THSD7B: variants seen among roughly 807,000 people sequenced by gnomAD.
The protein encoded by THSD7B is thrombospondin type 1 domain containing 7B, also known as thrombospondin type-1 domain-containing protein 7B.
Under a neutral mutation model 213.6 loss-of-function variants are expected in THSD7B, and 138 were observed. That is an observed-to-expected ratio of 0.65 (90% CI 0.56 to 0.74). The LOEUF is 0.74. Ranked by LOEUF, THSD7B falls within the 30% of genes least tolerant of loss-of-function variation. The probability of loss-of-function intolerance (pLI) is 0.00; values close to 1 mark genes in which losing one functional copy is unlikely to be tolerated. For synonymous variants in THSD7B, 742 were observed against 687.0 expected (o/e 1.08, Z -1.25); for missense variants, 1,931 against 1,991.5 (o/e 0.97, Z 0.58).
intron 15 of THSD7B, among the ~76,000 whole-genome samples, chr2:137,477,780 T>A (rs1688223114): frequency 6.6e-6 from 1 of 152,102 alleles, no homozygotes; most frequent in Admixed American, 6.5e-5. Context: ...CTAATTGTGA[T>A]GAATTTCCTC....
At chr2:137,339,688 G>A in intron 12 of THSD7B, among the ~76,000 whole-genome samples, 1 of 151,888 alleles carries the variant, frequency 6.6e-6, no homozygotes, top group East Asian at 1.9e-4. Flanking sequence ...GTGGGAAGCA[G>A]CCCTAAGACT....
At chr2:137,558,786 A>C (rs1681041497) in intron 15 of THSD7B, among the ~76,000 whole-genome samples, 1 of 152,238 alleles carries the variant, frequency 6.6e-6, no homozygotes, top group South Asian at 2.1e-4. Flanking sequence ...CCCTGTTTGC[A>C]GATGACATGG....
At chr2:137,558,475 T>G (rs555038846) in intron 15 of THSD7B, among the ~76,000 whole-genome samples, 1 of 152,280 alleles carries the variant, frequency 6.6e-6, no homozygotes, top group African/African-American at 2.4e-5. Context: ...CGTGATTATC[T>G]CAATAGATGC....
chr2:137,554,731 G>C (rs1400745488), intron 15 of THSD7B, among the ~76,000 whole-genome samples: 1 of 152,164 alleles, frequency 6.6e-6, no homozygotes, highest in Non-Finnish European at 1.5e-5. Flanking sequence ...CACCGAGCGT[G>C]AGCCAAAGCA....
At chr2:137,025,273 C>T (rs1216016528) in intron 2 of THSD7B, among the ~76,000 whole-genome samples, 3 of 152,066 alleles carry the variant, frequency 2.0e-5, no homozygotes, top group East Asian at 3.9e-4. Flanking sequence ...GTGTGTGCCA[C>T]GATTTTGGCC....
chr2:137,568,369 A>T (rs1681283980), intron 16 of THSD7B, among the ~76,000 whole-genome samples: 1 of 152,136 alleles, frequency 6.6e-6, no homozygotes, highest in Non-Finnish European at 1.5e-5. Context: ...CCATTCAGGA[A>T]CACCCTCAAT....
intron 2 of THSD7B, among the ~76,000 whole-genome samples, chr2:136,900,540 A>G (rs891809112): frequency 2.0e-5 from 3 of 152,168 alleles, no homozygotes; most frequent in Non-Finnish European, 2.9e-5. Context: ...CTGTGTGGCT[A>G]TTGAGAAGGG....
In THSD7B at chr2:136,864,104, G is replaced by A. The variant is rs564479304; in HGVS notation, c.-35-18040G>A. Among the ~76,000 whole-genome samples, 7 of 152,234 alleles carry A rather than the reference G, an allele frequency of 4.6e-5. No individual in the cohort carries two copies. In the South Asian group the frequency reaches 8.3e-4, roughly 18 times the overall value. ...AGTAGTCATTACAGTTTATTTTGCC[G>A]CAGATTATTTTCCTTCCTGGGAAAA... is the stretch of plus-strand genomic sequence containing the variant. On this transcript the variant is annotated intron_variant, in intron 1 of 27. Transcript: ENST00000409968.
At chr2:136,931,749 A>G (rs866014283) in intron 2 of THSD7B, among the ~76,000 whole-genome samples, 7 of 152,316 alleles carry the variant, frequency 4.6e-5, no homozygotes, top group Middle Eastern at 3.4e-3. Flanking sequence ...TACATTAACA[A>G]TGAAAAAAGT....
Position 137,668,638 on chromosome 2 carries a change from T to G in THSD7B, c.4739+777T>G, listed in dbSNP as rs760664164. 3.3e-5 allele frequency among the ~76,000 whole-genome samples: 5 copies of G among 152,016 alleles called. 1 individual carries two copies. In the South Asian group the frequency reaches 1.0e-3, roughly 32 times the overall value. On this transcript the variant is annotated intron_variant, in intron 27 of 27. Transcript: ENST00000409968. ...GCCTACTCCCCACACAGTCGAAAAT[T>G]CAAGTATAATTTATGACTCCCCCAA...
rs1261253030 is a variant in THSD7B, at chr2:137,487,736, C to T, written c.3138+36713C>T. On this transcript the variant is annotated intron_variant, in intron 15 of 27. Coordinates refer to ENST00000409968, the MANE Select transcript of THSD7B (RefSeq NM_001316349.2). ...AGAAGAAATATTTTGAGGTTTCTTT[C>T]TTTTTTTTTTTTTTTTTTTTTTTTT... 3.0e-4 allele frequency among the ~76,000 whole-genome samples: 4 copies of T among 13,324 alleles called. 1 individual carries two copies. The highest frequency in any genetic ancestry group is 8.0e-4 in the African/African-American group (3 of 3,728). The allele number at this position is 13,324 out of a possible 152,430, so 8.7% of individuals were successfully genotyped here. A position where few individuals can be genotyped will look rare whatever the true frequency, so the allele number is the denominator to read the frequency against.
At chr2:136,878,944 G>T (rs1233543129) in intron 1 of THSD7B, among the ~76,000 whole-genome samples, 1 of 152,064 alleles carries the variant, frequency 6.6e-6, no homozygotes, top group Non-Finnish European at 1.5e-5. Flanking sequence ...GTCAATTTTG[G>T]CTTTTGTTGC....
intron 1 of THSD7B, among the ~76,000 whole-genome samples, chr2:136,840,658 G>C (rs183489453): frequency 1.6e-4 from 24 of 152,226 alleles, no homozygotes; most frequent in East Asian, 3.9e-4. Context: ...TCTTGATAAA[G>C]AGCTTGAACT....
intron 2 of THSD7B, among the ~76,000 whole-genome samples, chr2:137,012,792 A>G (rs1009514632): frequency 2.0e-5 from 3 of 152,244 alleles, no homozygotes; most frequent in Non-Finnish European, 4.4e-5. Flanking sequence ...TGTGCTTTTA[A>G]CAGAGTGCTT....
Position 137,095,019 on chromosome 2 carries a change from G to A in THSD7B, c.1097G>A (p.Arg366Gln), listed in dbSNP as rs539697788. ...SLLPGFRSRS[R>Q]NVKHMAIGGG... ...TTGCCAGGATTTAGGAGCAGGAGCCGGAACGTGAAGCACATGGCTATTGGA... is the reference window on the plus strand; with the variant it reads ...TTGCCAGGATTTAGGAGCAGGAGCCAGAACGTGAAGCACATGGCTATTGGA... The change falls in exon 4 of 28, where the codon CGG (arginine) becomes CAG (glutamine). Residue 366 changes from arginine to glutamine, a missense_variant. Transcript: ENST00000409968. The A allele has an allele frequency of 2.2e-5, 35 of 1,613,788 alleles. No individual in the cohort carries two copies. The highest frequency in any genetic ancestry group is 1.7e-4 in the Middle Eastern group (1 of 6,060).
At chr2:137,675,483 C>A (rs1161519220) in intron 27 of THSD7B, among the ~76,000 whole-genome samples, 1 of 142,576 alleles carries the variant, frequency 7.0e-6, no homozygotes, top group African/African-American at 2.7e-5. Flanking sequence ...AAGCTCAGGT[C>A]TGTGTGTTAG....
At chr2:137,616,415 A>G (rs905254227) in intron 18 of THSD7B, 99 bp downstream of exon 18, 7 of 1,070,456 alleles carry the variant, frequency 6.5e-6, no homozygotes, top group Non-Finnish European at 9.7e-6. Context: ...AATGGAGAGT[A>G]GAATGTGTGA....
At chr2:137,520,172 C>A (rs1037351538) in intron 15 of THSD7B, among the ~76,000 whole-genome samples, 7 of 151,832 alleles carry the variant, frequency 4.6e-5, no homozygotes, top group African/African-American at 1.7e-4. Flanking sequence ...TGTTGGGTGG[C>A]AGTAGGAATA....
intron 12 of THSD7B, among the ~76,000 whole-genome samples, chr2:137,334,170 TTCTCTC>T (rs139280559): frequency 0.55 from 82,125 of 148,700 alleles, 23,866 homozygotes; most frequent in East Asian, 0.73. Flanking sequence ...CTTTCTCTCT[TTCTCTC>T]TCTCTCTCTC....
Sources: allele counts gnomAD v4.1 joint callset (sites outside exome capture counted in the v4.1 genomes callset), GRCh38; gene constraint gnomAD v4.1.1; transcripts MANE v1.5; gene names NCBI Gene and HGNC (gene_info 2026-07-23, HGNC 2026-07-21).